The following ASTN1 variants were observed in gnomAD, a reference collection of about 807,000 sequenced individuals.
ASTN1 encodes the protein astrotactin-1.
In ASTN1, 41 loss-of-function variants were observed where a neutral mutation model predicts 140.7. The ratio of observed to expected loss-of-function variants is 0.29; its 90% CI spans 0.23 to 0.38. The LOEUF is 0.38. Among genes scored for constraint, ASTN1 ranks in the 10% least tolerant of loss-of-function variants. The pLI is 1.00. For synonymous variants in ASTN1, 640 were observed against 652.2 expected (o/e 0.98, Z 0.29); for missense variants, 1,479 against 1,678.8 (o/e 0.88, Z 2.08).
chr1:177,140,580 C>CTA (rs1682418906), intron 1 of ASTN1, among the ~76,000 whole-genome samples: 2 of 152,226 alleles, frequency 1.3e-5, no homozygotes, highest in African/African-American at 2.4e-5. Flanking sequence ...TATCCTTGAC[C>CTA]TATAAGTAGA....
In ASTN1 at chr1:176,942,866, A is replaced by ATATATATATATATATATATATATT. The variant is rs1385017638; in HGVS notation, c.2377+1024_2377+1025insAATATATATATATATATATATATA. 8.6e-5 allele frequency among the ~76,000 whole-genome samples: 6 copies of ATATATATATATATATATATATATT among 70,002 alleles called. 1 individual carries two copies. Among genetic ancestry groups the ATATATATATATATATATATATATT allele is most frequent in the East Asian group, 7.0e-4 (1 of 1,432 alleles). The allele number at this position is 70,002 out of a possible 152,430, so 45.9% of individuals were successfully genotyped here. A position where few individuals can be genotyped will look rare whatever the true frequency, so the allele number is the denominator to read the frequency against. ...TATATATATATATATATATATATATAGATTGATGTCTCATGTCTCCTTAAA... is the reference window on the plus strand; with the variant it reads ...TATATATATATATATATATATATATATATATATATATATATATATATATTGATTGATGTCTCATGTCTCCTTAAA... On this transcript the variant is annotated intron_variant, in intron 14 of 22. Coordinates refer to ENST00000361833, the MANE Select transcript of ASTN1 (RefSeq NM_004319.3).
intron 21 of ASTN1, among the ~76,000 whole-genome samples, chr1:176,870,465 T>C (rs1668293711): frequency 6.6e-6 from 1 of 152,252 alleles, no homozygotes; most frequent in Admixed American, 6.5e-5. Flanking sequence ...ATTTCTTTAC[T>C]TTTTTGTCTT....
At chr1:176,924,391 CG>C (rs1670867205) in intron 16 of ASTN1, among the ~76,000 whole-genome samples, 1 of 152,172 alleles carries the variant, frequency 6.6e-6, no homozygotes, top group South Asian at 2.1e-4. Flanking sequence ...TCAAAATCAC[CG>C]TCACTGAGGC....
intron 1 of ASTN1, among the ~76,000 whole-genome samples, chr1:177,076,528 T>C (rs1219195523): frequency 1.3e-5 from 2 of 151,020 alleles, no homozygotes; most frequent in African/African-American, 2.4e-5. Flanking sequence ...TCTTTTCTTT[T>C]TTTTTTTTTA....
chr1:176,868,127 T>G (rs1490436433), intron 22 of ASTN1, among the ~76,000 whole-genome samples: 6 of 152,240 alleles, frequency 3.9e-5, no homozygotes, highest in African/African-American at 1.4e-4. Flanking sequence ...CTTTTTATCA[T>G]ATCTATCCAA....
intron 22 of ASTN1, 45 bp from the exon 23 acceptor site, chr1:176,864,566 G>C (rs763241906): frequency 6.2e-7 from 1 of 1,601,082 alleles, no homozygotes; most frequent in South Asian, 1.1e-5. Context: ...AAGAAGAGAG[G>C]GTCTGGATGA....
At position 177,032,611 on chromosome 1, in the gene ASTN1, G is replaced by A. The variant is rs781374359; in HGVS notation, c.710C>T (p.Pro237Leu). The A allele has an allele frequency of 1.9e-6, 3 of 1,614,192 alleles. No individual in the cohort carries two copies. The highest frequency in any genetic ancestry group is 1.7e-5 in the Admixed American group (1 of 60,026). The change falls in exon 3 of 23, where the codon CCT (proline) becomes CTT (leucine). Residue 237 changes from proline to leucine, a missense_variant. By Grantham distance (98) the Pro-to-Leu change is moderately conservative. This residue lies in a region of ASTN1 where 729 missense variants were observed against 860.4 expected (regional missense o/e 0.85). Transcript: ENST00000361833. ...GTCATACTCATAGCCGTCCAGGATA[G>A]GTGTCTCCCGGATGCTCAGGGTGCC... ...SSGTLSIRET[P>L]ILDGYEYDIT...
intron 1 of ASTN1, among the ~76,000 whole-genome samples, chr1:177,129,131 T>C (rs10489306): frequency 0.15 from 23,287 of 152,094 alleles, 3,579 homozygotes; most frequent in African/African-American, 0.4. Context: ...ATAGTGGAAT[T>C]CATCTTATTG....
chr1:176,863,839 G>A lies in ASTN1; in HGVS notation c.*445C>T. 1.0e-6 allele frequency: 1 copy of A among 998,078 alleles called. No homozygotes were observed. Among genetic ancestry groups the A allele is most frequent in the Non-Finnish European group, 1.2e-6 (1 of 836,682 alleles). The allele number at this position is 998,078 out of a possible 1,614,324, so 61.8% of individuals were successfully genotyped here. The stretch of plus-strand genomic sequence containing the variant: ...AGACGCTTCCTGAGGAATGCTTGAG[G>A]GTGGGGCCTGCGGCAGGCCTAACAA... On this transcript the variant is annotated 3_prime_UTR_variant, in exon 23 of 23. Coordinates refer to ENST00000361833, the MANE Select transcript of ASTN1 (RefSeq NM_004319.3).
intron 2 of ASTN1, among the ~76,000 whole-genome samples, chr1:177,043,515 C>T (rs1227655338): frequency 2.0e-5 from 3 of 152,230 alleles, no homozygotes; most frequent in African/African-American, 7.2e-5. Flanking sequence ...AACTTGTATA[C>T]ATTGCTTTGT....
chr1:177,018,882 G>T (rs1675688705), intron 7 of ASTN1, among the ~76,000 whole-genome samples: 1 of 152,226 alleles, frequency 6.6e-6, no homozygotes, highest in Admixed American at 6.5e-5. Context: ...ATTAAGCCAT[G>T]CAGCCCTAGT....
chr1:176,943,876 A>G lies in ASTN1; in HGVS notation c.2377+15T>C. The G allele has an allele frequency of 6.3e-7, 1 of 1,586,874 alleles. No homozygotes were observed. Reference sequence around the variant, plus strand: ...TGTTTGTGCCAGTTGAATAAGGTTGAGAAGGCACACTCACCAGTCAGGAAG... The same window carrying G: ...TGTTTGTGCCAGTTGAATAAGGTTGGGAAGGCACACTCACCAGTCAGGAAG... On this transcript the variant is annotated intron_variant, in intron 14 of 22. Transcript: ENST00000361833.
intron 16 of ASTN1, among the ~76,000 whole-genome samples, chr1:176,908,192 G>C (rs935331257): frequency 2.0e-5 from 3 of 151,784 alleles, no homozygotes; most frequent in African/African-American, 7.3e-5. Context: ...GAAATTACTG[G>C]ATGAAGGTTG....
intron 21 of ASTN1, among the ~76,000 whole-genome samples, chr1:176,872,307 T>A (rs1213677667): frequency 6.6e-6 from 1 of 152,162 alleles, no homozygotes; most frequent in Non-Finnish European, 1.5e-5. Flanking sequence ...CAGTTTTCTA[T>A]GTACGTGCAC....
chr1:177,008,466 A>T (rs942102840), intron 8 of ASTN1, among the ~76,000 whole-genome samples: 1 of 148,866 alleles, frequency 6.7e-6, no homozygotes, highest in Non-Finnish European at 1.5e-5. Context: ...AGAGGAAGAG[A>T]GAGAGAGAGG....
At chr1:177,156,044 G>C (rs932326446) in intron 1 of ASTN1, among the ~76,000 whole-genome samples, 1 of 151,914 alleles carries the variant, frequency 6.6e-6, no homozygotes, top group Non-Finnish European at 1.5e-5. Flanking sequence ...GGCTGAGGCG[G>C]GCAGATCACA....
chr1:177,058,828 A>AAC (rs144233356), intron 2 of ASTN1, among the ~76,000 whole-genome samples: 100 of 149,216 alleles, frequency 6.7e-4, no homozygotes, highest in South Asian at 2.6e-3. Flanking sequence ...TACACAAACA[A>AAC]ACACACACAC....
chr1:176,996,308 C>CAGAG (rs1488531468), intron 8 of ASTN1, among the ~76,000 whole-genome samples: 26 of 120,370 alleles, frequency 2.2e-4, no homozygotes, highest in South Asian at 7.5e-4. Flanking sequence ...CACACACACA[C>CAGAG]ACAGAGAGAG....
At chr1:177,074,781 G>C (rs1678808498) in intron 1 of ASTN1, among the ~76,000 whole-genome samples, 1 of 151,962 alleles carries the variant, frequency 6.6e-6, no homozygotes, top group South Asian at 2.1e-4. Context: ...CCTGATTTGT[G>C]GTATTCTCAG....
Sources: allele counts gnomAD v4.1 joint callset (sites outside exome capture counted in the v4.1 genomes callset), GRCh38; gene constraint gnomAD v4.1.1; regional missense constraint gnomAD v4.1.1; transcripts MANE v1.5; gene names NCBI Gene and HGNC (gene_info 2026-07-23, HGNC 2026-07-21).